The following ADK variants were observed in gnomAD, a reference collection of about 807,000 sequenced individuals.
The protein encoded by ADK is adenosine kinase.
Under a neutral mutation model 44.7 loss-of-function variants are expected in ADK, and 24 were observed. That is an observed-to-expected ratio of 0.54 (90% CI 0.39 to 0.76). The LOEUF (loss-of-function observed/expected upper bound fraction) is 0.76, where lower values mean the gene tolerates loss of function less well. ADK is among the 30% of genes least tolerant of loss of function. ADK has a pLI of 0.00. For synonymous variants in ADK, 128 were observed against 142.6 expected (o/e 0.90, Z 0.73); for missense variants, 321 against 425.1 (o/e 0.76, Z 2.15).
intron 6 of ADK, among the ~76,000 whole-genome samples, chr10:74,422,249 C>T (rs1442488139): frequency 6.6e-6 from 1 of 152,178 alleles, no homozygotes; most frequent in Non-Finnish European, 1.5e-5. Context: ...ATTAGGAAAA[C>T]ATCAGACAAA....
At chr10:74,377,572 C>T (rs1842853732) in intron 4 of ADK, among the ~76,000 whole-genome samples, 2 of 152,168 alleles carry the variant, frequency 1.3e-5, no homozygotes, top group African/African-American at 4.8e-5. Context: ...TGTGCACATT[C>T]TCTGTAAACT....
At chr10:74,292,192 C>T (rs1847470231) in intron 3 of ADK, among the ~76,000 whole-genome samples, 1 of 152,082 alleles carries the variant, frequency 6.6e-6, no homozygotes, top group South Asian at 2.1e-4. Context: ...AATACCAGTC[C>T]TTTACTCATT....
At chr10:74,266,284 C>T (rs1002917279) in intron 3 of ADK, among the ~76,000 whole-genome samples, 2 of 152,158 alleles carry the variant, frequency 1.3e-5, no homozygotes, top group Non-Finnish European at 2.9e-5. Flanking sequence ...GGCGGCCGGG[C>T]ACAGTGGCTC....
At chr10:74,639,186 GT>G (rs1274985450) in intron 9 of ADK, among the ~76,000 whole-genome samples, 1 of 152,174 alleles carries the variant, frequency 6.6e-6, no homozygotes, top group East Asian at 1.9e-4. Flanking sequence ...TCATAAAGAA[GT>G]TCAAATTAGA....
chr10:74,390,992 C>T (rs1843309446), intron 4 of ADK, among the ~76,000 whole-genome samples: 1 of 152,114 alleles, frequency 6.6e-6, no homozygotes, highest in Non-Finnish European at 1.5e-5. Flanking sequence ...TTTGTGTTTT[C>T]CTTATCCTGT....
chr10:74,572,904 C>T (rs1851025656), intron 7 of ADK, among the ~76,000 whole-genome samples: 1 of 152,188 alleles, frequency 6.6e-6, no homozygotes, highest in African/African-American at 2.4e-5. Flanking sequence ...ATATATTCAT[C>T]TAAATTTTTT....
At chr10:74,690,558 G>C (rs751313442) in intron 10 of ADK, among the ~76,000 whole-genome samples, 2 of 151,972 alleles carry the variant, frequency 1.3e-5, no homozygotes, top group Non-Finnish European at 2.9e-5. Context: ...TGTCTTTCCC[G>C]CTGTGTCCCC....
chr10:74,486,292 T>C (rs1847266797), intron 6 of ADK, among the ~76,000 whole-genome samples: 1 of 152,188 alleles, frequency 6.6e-6, no homozygotes, highest in Non-Finnish European at 1.5e-5. Context: ...GTAAGTTTCC[T>C]GAGGTCACTC....
chr10:74,542,831 G>C (rs1422956439), intron 7 of ADK, among the ~76,000 whole-genome samples: 1 of 152,014 alleles, frequency 6.6e-6, no homozygotes. Flanking sequence ...GTGCATCTTA[G>C]AAATCATTCC....
intron 3 of ADK, among the ~76,000 whole-genome samples, chr10:74,240,949 C>T (rs137862811): frequency 1.8e-4 from 27 of 152,170 alleles, no homozygotes; most frequent in East Asian, 9.6e-4. Context: ...TGGGAAACTC[C>T]GGTGTGGAGA....
chr10:74,156,174 A>G (rs913115255), intron 1 of ADK, among the ~76,000 whole-genome samples: 2 of 152,174 alleles, frequency 1.3e-5, no homozygotes, highest in African/African-American at 2.4e-5. Flanking sequence ...ACTCAGGGAA[A>G]GTGGGAAGGG....
At chr10:74,560,989 A>G (rs1296429049) in intron 7 of ADK, among the ~76,000 whole-genome samples, 3 of 152,222 alleles carry the variant, frequency 2.0e-5, no homozygotes, top group Non-Finnish European at 4.4e-5. Flanking sequence ...ATAATTGCTC[A>G]ACAATATGTA....
At chr10:74,675,049 T>C (rs1172936812) in intron 10 of ADK, among the ~76,000 whole-genome samples, 1 of 152,188 alleles carries the variant, frequency 6.6e-6, no homozygotes, top group East Asian at 1.9e-4. Flanking sequence ...TATATTTGGA[T>C]GGTTAATATA....
At chr10:74,365,070 G>A (rs1842457754) in intron 4 of ADK, among the ~76,000 whole-genome samples, 1 of 152,036 alleles carries the variant, frequency 6.6e-6, no homozygotes, top group Non-Finnish European at 1.5e-5. Context: ...AGTAATTAAT[G>A]TTAACATTTA....
At chr10:74,215,056 G>A (rs549500027) in intron 2 of ADK, among the ~76,000 whole-genome samples, 1 of 152,126 alleles carries the variant, frequency 6.6e-6, no homozygotes, top group South Asian at 2.1e-4. Context: ...GAATAAAGAG[G>A]CCCCTTCCCT....
chr10:74,287,898 C>T lies in ADK; in HGVS notation c.195-26769C>T, dbSNP rs1326310447. The stretch of plus-strand genomic sequence containing the variant: ...TCAGGAAGCTATAGTGGGAGGATCA[C>T]TTGAGCCCGGGAGGTTGAGGCTGCA... On this transcript the variant is annotated intron_variant, in intron 3 of 10. Coordinates refer to ENST00000539909, the MANE Select transcript of ADK (RefSeq NM_006721.4). 2.7e-5 allele frequency among the ~76,000 whole-genome samples: 4 copies of T among 147,902 alleles called. No individual in the cohort carries two copies. The East Asian group carries it at 8.0e-4, about 30-fold the overall frequency.
chr10:74,449,218 CTTT>C (rs1474153181), intron 6 of ADK, among the ~76,000 whole-genome samples: 2 of 152,110 alleles, frequency 1.3e-5, no homozygotes, highest in Non-Finnish European at 2.9e-5. Context: ...CCATGCTTTT[CTTT>C]TTAAATTTTA....
rs140501545 is a variant in ADK, at chr10:74,375,174, T to C, written c.274-18967T>C. Among the ~76,000 whole-genome samples, 528 of 152,312 alleles carry C rather than the reference T, an allele frequency of 3.5e-3. 3 individuals are homozygous for C. The highest frequency in any genetic ancestry group is 0.011 in the African/African-American group (472 of 41,576). ...CTTTTTTGTAAAAGAATTCTATACA[T>C]TTTAATTATCCTATAAAAACTTAAT... On this transcript the variant is annotated intron_variant, in intron 4 of 10. Coordinates refer to ENST00000539909, the MANE Select transcript of ADK (RefSeq NM_006721.4).
chr10:74,444,909 T>A (rs1269665552), intron 6 of ADK, among the ~76,000 whole-genome samples: 1 of 151,964 alleles, frequency 6.6e-6, no homozygotes, highest in Non-Finnish European at 1.5e-5. Context: ...TTTCACAACA[T>A]CTGATTTTAG....
Sources: gnomAD v4.1 joint callset for allele counts (sites outside exome capture counted in the v4.1 genomes callset) on GRCh38, gnomAD v4.1.1 for gene constraint, MANE v1.5 for transcripts, NCBI Gene and HGNC (gene_info 2026-07-23, HGNC 2026-07-21) for gene names.